The following ZNF512B variants were observed in gnomAD, a reference collection of about 807,000 sequenced individuals.
The protein encoded by ZNF512B is zinc finger protein 512B.
In ZNF512B, 22 loss-of-function variants were observed where a neutral mutation model predicts 87.8. The ratio of observed to expected loss-of-function variants is 0.25; its 90% CI spans 0.18 to 0.36. ZNF512B has a LOEUF of 0.36. ZNF512B is among the 10% of genes least tolerant of loss of function. The probability of loss-of-function intolerance (pLI) is 1.00; values close to 1 mark genes in which losing one functional copy is unlikely to be tolerated. For missense variants in ZNF512B, 1,060 were observed against 1,231.6 expected, an observed-to-expected ratio of 0.86 and a Z score of 2.09; for synonymous variants, 524 against 490.9, an observed-to-expected ratio of 1.07 and a Z score of -0.89.
rs1252883427 is a variant in ZNF512B, at chr20:63,961,840, G to A, written c.2328+102C>T. ...AGGAGGCCACGTAGAAAAAGTAGGG[G>A]ACAAGGCAGGGTCCCTCACTACTGT... On this transcript the variant is annotated intron_variant, in intron 15 of 16. Transcript: ENST00000369888. This position sits in a 1 kb window ranked among gnomAD's most constrained non-coding sequence, Gnocchi z 6.4. The A allele has an allele frequency of 2.4e-6, 3 of 1,253,182 alleles. No individual in the cohort carries two copies. Among genetic ancestry groups the A allele is most frequent in the African/African-American group, 3.0e-5 (2 of 66,924 alleles). 77.6% of individuals were successfully genotyped at this position (1,253,182 alleles called of 1,614,324 possible). A position where few individuals can be genotyped will look rare whatever the true frequency, so the allele number is the denominator to read the frequency against.
chr20:63,964,426 T>C, intron 6 of ZNF512B, 35 bp from the exon 7 acceptor site: 6 of 1,613,778 alleles, frequency 3.7e-6, no homozygotes, highest in Non-Finnish European at 5.1e-6. Context: ...GCCAAGATTC[T>C]GGTGAAATAA....
At chr20:63,963,475 A>G in intron 10 of ZNF512B, 35 bp from the exon 11 acceptor site, 1 of 1,545,790 alleles carries the variant, frequency 6.5e-7, no homozygotes, top group African/African-American at 1.4e-5. Flanking sequence ...ACCCGGCACC[A>G]TCGCCACGGA....
intron 10 of ZNF512B, 64 bp downstream of exon 10, chr20:63,963,554 T>A: frequency 6.2e-7 from 1 of 1,601,382 alleles, no homozygotes; most frequent in Non-Finnish European, 8.5e-7. Flanking sequence ...CCGGGGGCAC[T>A]GCGGTGAAGG....
rs1190767536 is a variant in ZNF512B, at chr20:63,961,658, T to C, written c.2329-251A>G. Among the ~76,000 whole-genome samples the C allele has an allele frequency of 1.3e-5, 2 of 152,076 alleles. No homozygotes were observed. The highest frequency in any genetic ancestry group is 2.9e-5 in the Non-Finnish European group (2 of 68,000). ...CCGAGCATCCCTTATTGTAAGCCAG[T>C]GTGCCATCTGCGTGGGTCGGGGTGC... On this transcript the variant is annotated intron_variant, in intron 15 of 16. Transcript: ENST00000369888. This position sits in a 1 kb window ranked among gnomAD's most constrained non-coding sequence, Gnocchi z 6.4.
At chr20:63,963,554 T>C (rs898380477) in intron 10 of ZNF512B, 64 bp downstream of exon 10, 4 of 1,601,382 alleles carry the variant, frequency 2.5e-6, no homozygotes, top group South Asian at 1.1e-5. Flanking sequence ...CCGGGGGCAC[T>C]GCGGTGAAGG....
rs1403387983 is a variant in ZNF512B, at chr20:63,962,668, C to T, written c.2082G>A (p.Leu694=). 10 of 1,605,966 alleles carry T rather than the reference C, an allele frequency of 6.2e-6. No individual in the cohort carries two copies. In the African/African-American group the frequency reaches 9.3e-5, roughly 15 times the overall value. The change falls in exon 13 of 17, where the codon CTG becomes CTA. Residue 694 remains leucine (L), a synonymous_variant. Transcript: ENST00000369888. ...CCAGCTCGTCCTCCGCTATCTCCTG[C>T]AGGTGGAACACCGCCACCTGGGCCG... is the stretch of plus-strand genomic sequence containing the variant. The part of the protein sequence containing the change: ...RTSAQVAVFH[L]QEIAEDELAR...
intron 6 of ZNF512B, 22 bp downstream of exon 6, chr20:63,964,468 A>C (rs1351602668): frequency 1.2e-6 from 2 of 1,613,046 alleles, no homozygotes; most frequent in Non-Finnish European, 1.7e-6. Context: ...CCCGGCCGCC[A>C]CCCCTGGAGC....
Position 63,959,841 on chromosome 20 carries a change from G to A in ZNF512B, c.*47C>T. 4 of 1,519,418 alleles carry A rather than the reference G, an allele frequency of 2.6e-6. No homozygotes were observed. Among genetic ancestry groups the A allele is most frequent in the South Asian group, 1.3e-5 (1 of 76,326 alleles). 94.1% of individuals were successfully genotyped at this position (1,519,418 alleles called of 1,614,324 possible). On this transcript the variant is annotated 3_prime_UTR_variant, in exon 17 of 17. Transcript: ENST00000369888. ...CCCGGAGCTGGCCCTGCCTTGAACA[G>A]AGGGCGGTGTGGCGGCTGCATGGGG...
intron 1 of ZNF512B, 68 bp from the exon 2 acceptor site, chr20:63,968,020 T>C: frequency 1.3e-6 from 2 of 1,552,192 alleles, no homozygotes; most frequent in Admixed American, 3.4e-5. Context: ...GAGGCTGCCC[T>C]GGAGCCCTGC....
At chr20:63,969,713 GC>G (rs2058961997) in intron 1 of ZNF512B, 100 bp downstream of exon 1, 1 of 144,504 alleles carries the variant, frequency 6.9e-6, no homozygotes, top group Admixed American at 6.8e-5. Context: ...GGGGCTCCGG[GC>G]CCGGCCCCCT....
intron 8 of ZNF512B, 25 bp downstream of exon 8, chr20:63,964,046 T>C (rs1178030322): frequency 5.0e-6 from 8 of 1,601,558 alleles, no homozygotes; most frequent in Non-Finnish European, 6.8e-6. Flanking sequence ...AGAGCTGCCC[T>C]GAGCCCCTGC....
rs754690373 is a variant in ZNF512B at position 63,962,346 on chromosome 20, G to A, written c.2192C>T (p.Thr731Met). The part of the protein sequence containing the change: ...RLNYTRPGLP[T>M]LNPQLLEAWK... Reference sequence around the variant, plus strand: ...TGCCTCTAGCAGCTGGGGGTTCAGCGTGGGGAGCCCTGGTCGAGTGTAGTT... The same window carrying A: ...TGCCTCTAGCAGCTGGGGGTTCAGCATGGGGAGCCCTGGTCGAGTGTAGTT... The change falls in exon 14 of 17, where the codon ACG becomes ATG. Residue 731 changes from threonine (T) to methionine (M), a missense_variant. By Grantham distance (81) the Thr-to-Met change is moderately conservative. Transcript: ENST00000369888. The A allele has an allele frequency of 1.7e-5, 27 of 1,612,830 alleles. No individual in the cohort carries two copies. The highest frequency in any genetic ancestry group is 1.4e-4 in the South Asian group (13 of 91,076).
rs909985579 is a variant in ZNF512B, at chr20:63,961,665, T to C, written c.2329-258A>G. On this transcript the variant is annotated intron_variant, in intron 15 of 16. Coordinates refer to ENST00000369888, the MANE Select transcript of ZNF512B (RefSeq NM_020713.3). The surrounding 1 kb of genome is among the most constrained non-coding windows in gnomAD (Gnocchi z 6.4). The stretch of plus-strand genomic sequence containing the variant: ...TCCCTTATTGTAAGCCAGTGTGCCA[T>C]CTGCGTGGGTCGGGGTGCCCACCCA... 2.0e-5 allele frequency among the ~76,000 whole-genome samples: 3 copies of C among 152,094 alleles called. No homozygotes were observed. The highest frequency in any genetic ancestry group is 2.9e-5 in the Non-Finnish European group (2 of 68,010).
At position 63,966,499 on chromosome 20, in the gene ZNF512B, T is replaced by C; in HGVS notation, c.676A>G (p.Lys226Glu). 6.2e-7 allele frequency: 1 copy of C among 1,614,118 alleles called. No individual in the cohort carries two copies. The highest frequency in any genetic ancestry group is 8.5e-7 in the Non-Finnish European group (1 of 1,180,036). Residue 226 changes from lysine to glutamate, a missense_variant, in exon 5 of 17, where the codon AAG becomes GAG. Coordinates refer to ENST00000369888, the MANE Select transcript of ZNF512B (RefSeq NM_020713.3). Reference protein sequence around the residue: ...VSVGRPMPVTKAIPVTRPVPV... With the variant: ...VSVGRPMPVTEAIPVTRPVPV... ...ACGGGCCTAGTGACCGGGATGGCCTTGGTGACTGGCATGGGTCTGCCGACC... is the reference window on the plus strand; with the variant it reads ...ACGGGCCTAGTGACCGGGATGGCCTCGGTGACTGGCATGGGTCTGCCGACC...
rs750589390 is a variant in ZNF512B at position 63,963,412 on chromosome 20, C to T, written c.1727G>A (p.Gly576Asp). The change falls in exon 11 of 17, where the codon GGC (glycine) becomes GAC (aspartate). Residue 576 changes from glycine (G) to aspartate (D), a missense_variant. By Grantham distance (94) the Gly-to-Asp change is moderately conservative. Coordinates refer to ENST00000369888, the MANE Select transcript of ZNF512B (RefSeq NM_020713.3). ...KPSDAEASEG[G>D]EQEERERLRK... ...CAGCCTCTCGCGCTCCTCCTGCTCG[C>T]CCCCTTCGGAGGCCTCGGCGTCAGA... The T allele has an allele frequency of 1.3e-5, 20 of 1,548,774 alleles. No individual in the cohort carries two copies. The highest frequency in any genetic ancestry group is 1.6e-5 in the Non-Finnish European group (19 of 1,151,900).
chr20:63,964,394 G>T lies in ZNF512B; in HGVS notation c.1262-3C>A. 5.6e-6 allele frequency: 9 copies of T among 1,613,810 alleles called. No individual in the cohort carries two copies. The highest frequency in any genetic ancestry group is 7.6e-6 in the Non-Finnish European group (9 of 1,179,870). On this transcript the variant is annotated splice_region_variant and splice_polypyrimidine_tract_variant and intron_variant, in intron 6 of 16. Coordinates refer to ENST00000369888, the MANE Select transcript of ZNF512B (RefSeq NM_020713.3). ...TTTGGGTGTTTTCTGTTTCCTTCCT[G>T]ACTCGGGGAGAGAAAACGGGGGCCA...
At chr20:63,962,124 TG>T in intron 14 of ZNF512B, 120 bp from the exon 15 acceptor site, 2 of 1,332,398 alleles carry the variant, frequency 1.5e-6, no homozygotes, top group Non-Finnish European at 2.1e-6. Context: ...GTGTGAGTCC[TG>T]GGGACTGGGC....
intron 16 of ZNF512B, among the ~76,000 whole-genome samples, chr20:63,960,401 G>C (rs113305838): frequency 7.8e-6 from 1 of 128,668 alleles, no homozygotes; most frequent in Non-Finnish European, 1.6e-5. Flanking sequence ...CACAGCCTTC[G>C]GGACCAGGCA....
At position 63,956,763 on chromosome 20, in the gene ZNF512B, C is replaced by T. The variant is rs1278381794; in HGVS notation, c.*3125G>A. On this transcript the variant is annotated 3_prime_UTR_variant, in exon 17 of 17. Coordinates refer to ENST00000369888, the MANE Select transcript of ZNF512B (RefSeq NM_020713.3). ...TCATTTTAATACATACAGTGATGGCCCGTCCCCACGCCACTCGGGACCAGG... is the reference window on the plus strand; with the variant it reads ...TCATTTTAATACATACAGTGATGGCTCGTCCCCACGCCACTCGGGACCAGG... The T allele has an allele frequency of 6.4e-6, 1 of 155,464 alleles. No homozygotes were observed. Among genetic ancestry groups the T allele is most frequent in the Non-Finnish European group, 1.4e-5 (1 of 70,098 alleles). 9.6% of individuals were successfully genotyped at this position (155,464 alleles called of 1,614,324 possible). A position where few individuals can be genotyped will look rare whatever the true frequency, so the allele number is the denominator to read the frequency against.
Sources: gnomAD v4.1 joint callset for allele counts (sites outside exome capture counted in the v4.1 genomes callset) on GRCh38, gnomAD v4.1.1 for gene constraint, Gnocchi (gnomAD v3.1) non-coding constraint, MANE v1.5 for transcripts, NCBI Gene and HGNC (gene_info 2026-07-23, HGNC 2026-07-21) for gene names.